CCDC134: variants seen among roughly 807,000 people sequenced by gnomAD.
The protein encoded by CCDC134 is coiled-coil domain-containing protein 134.
CCDC134 carries 27 observed loss-of-function variants against 25.6 expected under a neutral mutation model. That is an observed-to-expected ratio of 1.05 (90% CI 0.78 to 1.45). CCDC134 has a LOEUF of 1.45. CCDC134 is among the 40% of genes most tolerant of loss of function. The pLI, the probability that CCDC134 is intolerant of heterozygous loss-of-function variation, is 0.00. For missense variants in CCDC134, 261 were observed against 286.7 expected (o/e 0.91, Z 0.65); for synonymous variants, 110 against 115.0 (o/e 0.96, Z 0.28).
chr22:41,813,207 C>T (rs2076605303), intron 4 of CCDC134, 57 bp from the exon 5 acceptor site: 31 of 1,571,076 alleles, frequency 2.0e-5, no homozygotes, highest in Non-Finnish European at 2.6e-5. Context: ...TGCCAGGGGC[C>T]AGTGAGGCAG....
rs2076688899 is a variant in CCDC134, at chr22:41,828,265, T to G, written c.*2442T>G. 6.6e-6 allele frequency among the ~76,000 whole-genome samples: 1 copy of G among 152,178 alleles called. No individual in the cohort carries two copies. The highest frequency in any genetic ancestry group is 2.1e-4 in the South Asian group (1 of 4,832). ...ACCAGGCTCTTCACACTCAGATCCT[T>G]GGGCCCCCCATCTCAGAATGCCCAG... On this transcript the variant is annotated 3_prime_UTR_variant, in exon 7 of 7. Coordinates refer to ENST00000255784, the MANE Select transcript of CCDC134 (RefSeq NM_024821.5).
At position 41,810,221 on chromosome 22, in the gene CCDC134, C is replaced by T; in HGVS notation, c.240C>T (p.Ser80=). ...LKGLFKVLED[S]RTVLTAADVL... is the part of the protein sequence containing the mutation. ...GATTCCCTCAGGTGCTGGAGGACTC[C>T]CGGACAGTGCTCACCGCTGCTGATG... The change falls in exon 4 of 7, where the codon TCC becomes TCT. Residue 80 remains serine, a synonymous_variant. Transcript: ENST00000255784. 6.2e-7 allele frequency: 1 copy of T among 1,614,020 alleles called. No individual in the cohort carries two copies.
Position 41,825,924 on chromosome 22 carries a change from C to T in CCDC134, c.*101C>T, listed in dbSNP as rs2076675786. On this transcript the variant is annotated 3_prime_UTR_variant, in exon 7 of 7. Coordinates refer to ENST00000255784, the MANE Select transcript of CCDC134 (RefSeq NM_024821.5). The surrounding 1 kb of genome is among the most constrained non-coding windows in gnomAD (Gnocchi z 4.4). ...GTGGAGAGCACCAGCTAGCCCCTTCCAGAAGGGGAGGCCACATTTGCCCGG... is the reference window on the plus strand; with the variant it reads ...GTGGAGAGCACCAGCTAGCCCCTTCTAGAAGGGGAGGCCACATTTGCCCGG... The T allele has an allele frequency of 1.3e-6, 2 of 1,501,336 alleles. No homozygotes were observed. Among genetic ancestry groups the T allele is most frequent in the Non-Finnish European group, 9.0e-7 (1 of 1,107,318 alleles). The allele number at this position is 1,501,336 out of a possible 1,614,324, so 93.0% of individuals were successfully genotyped here.
rs764847131 is a variant in CCDC134 at position 41,810,168 on chromosome 22, G to A, written c.226-39G>A. 3.1e-6 allele frequency: 5 copies of A among 1,604,712 alleles called. No homozygotes were observed. The South Asian group carries it at 5.5e-5, about 18-fold the overall frequency. Reference sequence around the variant, plus strand: ...TGGGGATGGGAGCAGTCTGTGATGGGCACTGCGAAGCCACTCAGCCCTGGC... The same window carrying A: ...TGGGGATGGGAGCAGTCTGTGATGGACACTGCGAAGCCACTCAGCCCTGGC... On this transcript the variant is annotated intron_variant, in intron 3 of 6. Transcript: ENST00000255784.
At position 41,821,324 on chromosome 22, in the gene CCDC134, T is replaced by A. The variant is rs1490455288; in HGVS notation, c.565-4374T>A. 7.2e-5 allele frequency among the ~76,000 whole-genome samples: 11 copies of A among 151,978 alleles called. No individual in the cohort carries two copies. The East Asian group carries it at 2.1e-3, about 29-fold the overall frequency. ...CGAAAAGTTTTCCTTTCTTTTTTTT[T>A]TTATTATTATTATACTTTAAGTTTT... On this transcript the variant is annotated intron_variant, in intron 6 of 6. Transcript: ENST00000255784.
Position 41,827,924 on chromosome 22 carries a change from A to G in CCDC134, c.*2101A>G, listed in dbSNP as rs1449416664. Among the ~76,000 whole-genome samples, 1 of 152,194 alleles carries G rather than the reference A, an allele frequency of 6.6e-6. No individual in the cohort carries two copies. Among genetic ancestry groups the G allele is most frequent in the Non-Finnish European group, 1.5e-5 (1 of 68,030 alleles). On this transcript the variant is annotated 3_prime_UTR_variant, in exon 7 of 7. Transcript: ENST00000255784. ...GAGTGGTTGTGGTTGCTGACTTAGC[A>G]GAGAAGGTGCTTGGCTTTCCCCTTA...
chr22:41,813,669 G>A (rs1468805998), intron 5 of CCDC134, 82 bp from the exon 6 acceptor site: 17 of 1,449,764 alleles, frequency 1.2e-5, no homozygotes, highest in Non-Finnish European at 1.6e-5. Flanking sequence ...CAGGAGTCTG[G>A]GTCCCAGCAT....
intron 4 of CCDC134, among the ~76,000 whole-genome samples, chr22:41,811,422 A>C (rs1369902996): frequency 1.3e-5 from 2 of 152,042 alleles, no homozygotes; most frequent in Non-Finnish European, 2.9e-5. Flanking sequence ...GCTTGTACAG[A>C]AACTATTCTT....
intron 4 of CCDC134, among the ~76,000 whole-genome samples, chr22:41,812,514 C>T (rs572394193): frequency 2.0e-5 from 3 of 150,866 alleles, no homozygotes; most frequent in Non-Finnish European, 4.4e-5. Flanking sequence ...AAGATAATTT[C>T]AGGCCGAGTG....
chr22:41,821,225 C>G (rs1303204595), intron 6 of CCDC134, among the ~76,000 whole-genome samples: 1 of 151,704 alleles, frequency 6.6e-6, no homozygotes, highest in African/African-American at 2.4e-5. Context: ...TTGAGGGGGT[C>G]CTGGGAACAA....
intron 3 of CCDC134, 87 bp downstream of exon 3, chr22:41,810,087 T>C (rs1438257701): frequency 6.3e-7 from 1 of 1,597,826 alleles, no homozygotes; most frequent in Non-Finnish European, 8.6e-7. Flanking sequence ...AACGGGTTGG[T>C]GTTCAGGGAC....
chr22:41,810,262 C>G lies in CCDC134; in HGVS notation c.281C>G (p.Pro94Arg). 6.2e-7 allele frequency: 1 copy of G among 1,614,082 alleles called. No homozygotes were observed. The highest frequency in any genetic ancestry group is 8.5e-7 in the Non-Finnish European group (1 of 1,179,990). Reference protein sequence around the residue: ...LTAADVLPDGPFPQDEKLKDA... With the variant: ...LTAADVLPDGRFPQDEKLKDA... Reference sequence around the variant, plus strand: ...GCTGCTGATGTGCTCCCAGATGGGCCCTTCCCCCAGGACGAGAAGCTGAAG... The same window carrying G: ...GCTGCTGATGTGCTCCCAGATGGGCGCTTCCCCCAGGACGAGAAGCTGAAG... The change falls in exon 4 of 7, where the codon CCC becomes CGC. Residue 94 changes from proline to arginine, a missense_variant. Pro to Arg is a moderately radical substitution (Grantham distance 103). Coordinates refer to ENST00000255784, the MANE Select transcript of CCDC134 (RefSeq NM_024821.5).
At position 41,829,496 on chromosome 22, in the gene CCDC134, C is replaced by T. The variant is rs2076694990; in HGVS notation, c.*3673C>T. 6.6e-6 allele frequency among the ~76,000 whole-genome samples: 1 copy of T among 152,226 alleles called. No individual in the cohort carries two copies. The highest frequency in any genetic ancestry group is 2.4e-5 in the African/African-American group (1 of 41,458). ...AAAACCAAACTGGTTATTTCCCTCT[C>T]TAACCCCATCTCTGTGTCAAACAGT... On this transcript the variant is annotated 3_prime_UTR_variant, in exon 7 of 7. Transcript: ENST00000255784.
At chr22:41,822,174 G>A (rs538550290) in intron 6 of CCDC134, among the ~76,000 whole-genome samples, 1 of 152,226 alleles carries the variant, frequency 6.6e-6, no homozygotes, top group South Asian at 2.1e-4. Context: ...AGGAGATAAG[G>A]CTGGAGACGT....
chr22:41,800,942 T>A (rs1569351539), intron 1 of CCDC134, among the ~76,000 whole-genome samples, 176 bp downstream of exon 1: 1 of 152,132 alleles, frequency 6.6e-6, no homozygotes, highest in African/African-American at 2.4e-5. Context: ...GTCAACCACC[T>A]GGGCCCCCGA....
chr22:41,811,792 T>C (rs1225355929), intron 4 of CCDC134, among the ~76,000 whole-genome samples: 1 of 152,204 alleles, frequency 6.6e-6, no homozygotes, highest in Non-Finnish European at 1.5e-5. Flanking sequence ...CATCTCAGGC[T>C]TTCGTGTGAA....
intron 1 of CCDC134, among the ~76,000 whole-genome samples, chr22:41,806,422 G>T (rs926152430): frequency 6.6e-6 from 1 of 151,782 alleles, no homozygotes; most frequent in South Asian, 2.1e-4. Flanking sequence ...GGGTTTCACT[G>T]TGTTAGCCAG....
chr22:41,810,325 A>G, intron 4 of CCDC134, 34 bp downstream of exon 4: 2 of 1,572,550 alleles, frequency 1.3e-6, no homozygotes, highest in Non-Finnish European at 1.7e-6. Context: ...TGTCCTCCGC[A>G]CCACCCGATC....
chr22:41,809,139 C>T, intron 2 of CCDC134, 146 bp downstream of exon 2: 1 of 642,332 alleles, frequency 1.6e-6, no homozygotes, highest in Non-Finnish European at 2.7e-6. Context: ...TTGAGCAAGT[C>T]AGGTCTCTCC....
Sources: allele counts gnomAD v4.1 joint callset (sites outside exome capture counted in the v4.1 genomes callset), GRCh38; gene constraint gnomAD v4.1.1; non-coding constraint Gnocchi (gnomAD v3.1); transcripts MANE v1.5; gene names NCBI Gene and HGNC (gene_info 2026-07-23, HGNC 2026-07-21).